Variants in UNC5C observed in about 807,000 individuals in gnomAD.
UNC5C encodes the protein unc-5 netrin receptor C, also known as netrin receptor UNC5C.
UNC5C carries 47 observed loss-of-function variants against 99.8 expected under a neutral mutation model. The ratio of observed to expected loss-of-function variants is 0.47; its 90% confidence interval spans 0.37 to 0.60. The LOEUF (loss-of-function observed/expected upper bound fraction) is 0.60, where lower values mean the gene tolerates loss of function less well. Ranked by LOEUF, UNC5C falls within the 20% of genes least tolerant of loss-of-function variation. The pLI, the probability that UNC5C is intolerant of heterozygous loss-of-function variation, is 0.00. For missense variants in UNC5C, 1,062 were observed against 1,165.9 expected (o/e 0.91, Z 1.30); for synonymous variants, 487 against 452.2 (o/e 1.08, Z -0.98).
chr4:95,234,909 C>G (rs1299673007), intron 7 of UNC5C, among the ~76,000 whole-genome samples: 2 of 152,228 alleles, frequency 1.3e-5, no homozygotes, highest in African/African-American at 4.8e-5. Context: ...TACACAATAT[C>G]ACATAATGAA....
intron 1 of UNC5C, among the ~76,000 whole-genome samples, chr4:95,484,474 G>A (rs1342345414): frequency 1.3e-5 from 2 of 150,710 alleles, no homozygotes; most frequent in Non-Finnish European, 3.0e-5. Context: ...GAGGCAACAT[G>A]ACTGGTGTTG....
intron 1 of UNC5C, among the ~76,000 whole-genome samples, chr4:95,397,480 A>T (rs1296371337): frequency 6.6e-6 from 1 of 152,232 alleles, no homozygotes; most frequent in Non-Finnish European, 1.5e-5. Context: ...TCCCCTAGAC[A>T]AAGAACCTGG....
intron 5 of UNC5C, chr4:95,248,256 A>G: frequency 7.5e-6 from 2 of 267,200 alleles, no homozygotes; most frequent in South Asian, 7.1e-5. Context: ...GTGTAACACA[A>G]ATCAACAGGA....
At chr4:95,499,582 G>T (rs1396847271) in intron 1 of UNC5C, among the ~76,000 whole-genome samples, 1 of 152,016 alleles carries the variant, frequency 6.6e-6, no homozygotes, top group African/African-American at 2.4e-5. Flanking sequence ...TTCAAATAAT[G>T]GATTTACTTA....
intron 1 of UNC5C, among the ~76,000 whole-genome samples, chr4:95,447,408 T>C (rs1312776821): frequency 3.3e-5 from 5 of 152,216 alleles, no homozygotes; most frequent in Admixed American, 2.0e-4. Context: ...GAAAGTTATA[T>C]TACAAAATGT....
intron 1 of UNC5C, among the ~76,000 whole-genome samples, chr4:95,443,735 A>C (rs1180369163): frequency 1.3e-5 from 2 of 152,124 alleles, no homozygotes; most frequent in Admixed American, 6.5e-5. Flanking sequence ...GGGTATAGAA[A>C]AGTTTATTTG....
intron 1 of UNC5C, among the ~76,000 whole-genome samples, chr4:95,495,725 T>G (rs1229518536): frequency 1.3e-5 from 2 of 151,804 alleles, no homozygotes; most frequent in Non-Finnish European, 1.5e-5. Context: ...TCCCATGTTT[T>G]GACTCCAGAG....
chr4:95,531,811 T>C (rs1722652332), intron 1 of UNC5C, among the ~76,000 whole-genome samples: 1 of 152,248 alleles, frequency 6.6e-6, no homozygotes, highest in Non-Finnish European at 1.5e-5. Context: ...TGCACGAGAC[T>C]TGTTGACTTT....
chr4:95,387,138 T>A (rs1008184794), intron 1 of UNC5C, among the ~76,000 whole-genome samples: 1 of 152,100 alleles, frequency 6.6e-6, no homozygotes, highest in Admixed American at 6.6e-5. Context: ...TCACTCTCTC[T>A]CTCTTTTTAT....
chr4:95,208,731 T>C (rs2114531), intron 10 of UNC5C, among the ~76,000 whole-genome samples: 9,024 of 152,212 alleles, frequency 0.059, 502 homozygotes, highest in African/African-American at 0.15. Context: ...CCCATTAAAA[T>C]GGACATTGTT....
chr4:95,203,428 TTTG>T (rs1403213822), intron 11 of UNC5C, among the ~76,000 whole-genome samples: 2 of 152,150 alleles, frequency 1.3e-5, no homozygotes, highest in Admixed American at 6.5e-5. Flanking sequence ...TGTTACTTTT[TTTG>T]TTGTTGTTGG....
At chr4:95,485,233 C>T (rs1355472249) in intron 1 of UNC5C, among the ~76,000 whole-genome samples, 1 of 151,694 alleles carries the variant, frequency 6.6e-6, no homozygotes, top group Admixed American at 6.6e-5. Context: ...AACTAAACTG[C>T]CTTGGGAATT....
chr4:95,511,905 G>A (rs1722086202), intron 1 of UNC5C, among the ~76,000 whole-genome samples: 1 of 152,162 alleles, frequency 6.6e-6, no homozygotes, highest in South Asian at 2.1e-4. Context: ...GTATTGTCTG[G>A]AAGAAGATTC....
At chr4:95,222,348 G>A in intron 7 of UNC5C, 1 of 851,574 alleles carries the variant, frequency 1.2e-6, no homozygotes, top group Non-Finnish European at 1.7e-6. Context: ...ATGAAAAATG[G>A]TTTAATTAAA....
At chr4:95,480,346 C>T (rs1308740251) in intron 1 of UNC5C, among the ~76,000 whole-genome samples, 2 of 151,718 alleles carry the variant, frequency 1.3e-5, no homozygotes, top group Non-Finnish European at 2.9e-5. Context: ...ACTAATAGGG[C>T]TTTAGTTTAT....
intron 1 of UNC5C, among the ~76,000 whole-genome samples, chr4:95,484,609 T>C (rs1721271720): frequency 1.3e-5 from 2 of 151,862 alleles, no homozygotes; most frequent in African/African-American, 4.8e-5. Context: ...TCTGTCAGAC[T>C]GGATCCCTGA....
chr4:95,214,546 G>C (rs1738181420), intron 10 of UNC5C, among the ~76,000 whole-genome samples: 1 of 152,246 alleles, frequency 6.6e-6, no homozygotes, highest in African/African-American at 2.4e-5. Context: ...GCCAAGGAAA[G>C]TATGGGGAGA....
At chr4:95,482,324 A>C (rs905044964) in intron 1 of UNC5C, among the ~76,000 whole-genome samples, 1 of 152,058 alleles carries the variant, frequency 6.6e-6, no homozygotes, top group African/African-American at 2.4e-5. Context: ...ATCTCACACC[A>C]GTTAGAATGG....
intron 3 of UNC5C, among the ~76,000 whole-genome samples, chr4:95,298,738 A>C (rs1466746600): frequency 3.3e-5 from 5 of 152,128 alleles, no homozygotes; most frequent in African/African-American, 1.2e-4. Flanking sequence ...CATGAGCTCC[A>C]TGAGGGCAAG....
Sources: allele counts gnomAD v4.1 joint callset (sites outside exome capture counted in the v4.1 genomes callset), GRCh38; gene constraint gnomAD v4.1.1; transcripts MANE v1.5; gene names NCBI Gene and HGNC (gene_info 2026-07-23, HGNC 2026-07-21).